EBF1: variants seen among roughly 807,000 people sequenced by gnomAD.
The protein encoded by EBF1 is transcription factor COE1.
EBF1 carries 10 observed loss-of-function variants against 68.4 expected under a neutral mutation model. The observed-to-expected ratio is 0.15, with a 90% CI of 0.09 to 0.25. The LOEUF is 0.25. Ranked by LOEUF, EBF1 falls within the 10% of genes least tolerant of loss-of-function variation. EBF1 has a pLI of 1.00. For synonymous variants in EBF1, 298 were observed against 299.8 expected (o/e 0.99, Z 0.06); for missense variants, 509 against 794.4 (o/e 0.64, Z 4.32).
chr5:159,046,655 A>C (rs1772462869), intron 6 of EBF1, among the ~76,000 whole-genome samples: 1 of 152,192 alleles, frequency 6.6e-6, no homozygotes, highest in African/African-American at 2.4e-5. Context: ...CAGATTAATG[A>C]TTCAGAGACT....
chr5:158,780,197 C>A (rs1165382243), intron 9 of EBF1, among the ~76,000 whole-genome samples: 2 of 152,196 alleles, frequency 1.3e-5, no homozygotes, highest in Non-Finnish European at 2.9e-5. Flanking sequence ...TAAAGCTAAT[C>A]TTCTTATTTT....
intron 6 of EBF1, among the ~76,000 whole-genome samples, chr5:158,844,579 CA>C (rs1791048726): frequency 1.3e-5 from 2 of 152,288 alleles, no homozygotes; most frequent in African/African-American, 4.8e-5. Context: ...CATCAGAAGA[CA>C]TGACAATATT....
chr5:158,868,133 A>T (rs1796264218), intron 6 of EBF1, among the ~76,000 whole-genome samples: 1 of 149,260 alleles, frequency 6.7e-6, no homozygotes, highest in African/African-American at 2.5e-5. Context: ...GCTCCTATTC[A>T]TTTTTTTTTT....
At chr5:158,725,556 A>G (rs1224880002) in intron 11 of EBF1, among the ~76,000 whole-genome samples, 1 of 152,262 alleles carries the variant, frequency 6.6e-6, no homozygotes, top group African/African-American at 2.4e-5. Context: ...CCATAACAAC[A>G]TGAAGACAGC....
At chr5:158,925,093 C>T (rs1157928033) in intron 6 of EBF1, among the ~76,000 whole-genome samples, 1 of 152,114 alleles carries the variant, frequency 6.6e-6, no homozygotes, top group East Asian at 1.9e-4. Flanking sequence ...GCTGTTCCCA[C>T]TGCCTGAAAT....
At chr5:158,731,179 A>G in intron 10 of EBF1, 22 bp from the exon 11 acceptor site, 1 of 1,608,366 alleles carries the variant, frequency 6.2e-7, no homozygotes, top group East Asian at 2.2e-5. Context: ...AAGTCACACA[A>G]TTAGTACATT....
intron 6 of EBF1, among the ~76,000 whole-genome samples, chr5:158,969,848 G>GAA (rs1491190212): frequency 2.9e-5 from 1 of 34,042 alleles, no homozygotes; most frequent in East Asian, 6.8e-4. Context: ...GAAAGAGAAA[G>GAA]AAAGAAAGAA....
intron 9 of EBF1, among the ~76,000 whole-genome samples, chr5:158,784,836 A>G (rs1326313098): frequency 1.3e-5 from 2 of 152,152 alleles, no homozygotes; most frequent in Non-Finnish European, 2.9e-5. Flanking sequence ...TTTAGATGTT[A>G]CCCATTGAAG....
At chr5:158,950,241 C>T (rs920750139) in intron 6 of EBF1, among the ~76,000 whole-genome samples, 1 of 152,190 alleles carries the variant, frequency 6.6e-6, no homozygotes, top group African/African-American at 2.4e-5. Flanking sequence ...TGGGCAGAAA[C>T]AAGGTTTTAT....
chr5:158,704,067 A>G (rs766287338), intron 15 of EBF1, among the ~76,000 whole-genome samples: 5 of 152,222 alleles, frequency 3.3e-5, no homozygotes, highest in Non-Finnish European at 5.9e-5. Context: ...GTCTGGGCTT[A>G]AAGCCCAGGC....
intron 10 of EBF1, among the ~76,000 whole-genome samples, chr5:158,734,510 A>G (rs1044032344): frequency 7.9e-5 from 12 of 152,172 alleles, no homozygotes; most frequent in African/African-American, 2.9e-4. Context: ...AGAGGGTAAC[A>G]GGGAGGAATC....
intron 6 of EBF1, among the ~76,000 whole-genome samples, chr5:158,984,014 G>GT (rs750639121): frequency 8.1e-4 from 122 of 151,206 alleles, no homozygotes; most frequent in Non-Finnish European, 7.4e-4. Flanking sequence ...TTAAAATGCT[G>GT]GTTACTGTTA....
intron 9 of EBF1, among the ~76,000 whole-genome samples, chr5:158,786,392 G>GTTATTTAT: frequency 6.6e-6 from 1 of 152,146 alleles, no homozygotes; most frequent in African/African-American, 2.4e-5. Context: ...GGTTTTGTGG[G>GTTATTTAT]TTATTTATTT....
rs1189777545 is a variant in EBF1 at position 158,696,434 on chromosome 5, G to A, written c.*2677C>T. On this transcript the variant is annotated 3_prime_UTR_variant, in exon 16 of 16. Transcript: ENST00000313708. Reference sequence around the variant, plus strand: ...TAACCACTGCACATGGCTGACAGATGGGTAGTGTCTGTTGTCAAGGTCTAA... The same window carrying A: ...TAACCACTGCACATGGCTGACAGATAGGTAGTGTCTGTTGTCAAGGTCTAA... The A allele has an allele frequency of 1.8e-5, 4 of 221,476 alleles. No homozygotes were observed. The highest frequency in any genetic ancestry group is 3.6e-5 in the Non-Finnish European group (4 of 110,760). 13.7% of individuals were successfully genotyped at this position (221,476 alleles called of 1,614,324 possible). A position where few individuals can be genotyped will look rare whatever the true frequency, so the allele number is the denominator to read the frequency against.
At chr5:158,741,675 T>TTCCC (rs1287671316) in intron 10 of EBF1, among the ~76,000 whole-genome samples, 14 of 152,174 alleles carry the variant, frequency 9.2e-5, no homozygotes, top group African/African-American at 3.4e-4. Flanking sequence ...GTATCACTGT[T>TTCCC]TCCCTCAAGT....
chr5:158,839,932 T>TG lies in EBF1; in HGVS notation c.636+96dup, dbSNP rs1009971802. On this transcript the variant is annotated intron_variant, in intron 7 of 15. Coordinates refer to ENST00000313708, the MANE Select transcript of EBF1 (RefSeq NM_024007.5). ...AAGGGCCTCAGCTGCTCTTCACCTCTGGGAAAAAAAGCTACGTATCTTCTG... is the reference window on the plus strand; with the variant it reads ...AAGGGCCTCAGCTGCTCTTCACCTCTGGGGAAAAAAAGCTACGTATCTTCTG... 1.6e-5 allele frequency: 19 copies of TG among 1,212,598 alleles called. No homozygotes were observed. In the Middle Eastern group the frequency reaches 9.5e-4, roughly 61 times the overall value. 75.1% of individuals were successfully genotyped at this position (1,212,598 alleles called of 1,614,324 possible). A position where few individuals can be genotyped will look rare whatever the true frequency, so the allele number is the denominator to read the frequency against.
chr5:158,916,448 G>T (rs902897129), intron 6 of EBF1, among the ~76,000 whole-genome samples: 4 of 152,152 alleles, frequency 2.6e-5, no homozygotes, highest in African/African-American at 9.7e-5. Flanking sequence ...TGTAAAAATA[G>T]CATGTACAAT....
intron 6 of EBF1, among the ~76,000 whole-genome samples, chr5:158,858,098 A>G (rs762895076): frequency 2.6e-5 from 4 of 152,194 alleles, no homozygotes; most frequent in Non-Finnish European, 5.9e-5. Context: ...TAGTTCACAC[A>G]ATGCCTTTGA....
intron 6 of EBF1, among the ~76,000 whole-genome samples, chr5:158,879,318 C>T (rs1230228524): frequency 6.6e-6 from 1 of 152,158 alleles, no homozygotes; most frequent in Non-Finnish European, 1.5e-5. Context: ...TTTGCAAGCA[C>T]ATACGCTCAA....
Sources: allele counts gnomAD v4.1 joint callset (sites outside exome capture counted in the v4.1 genomes callset), GRCh38; gene constraint gnomAD v4.1.1; transcripts MANE v1.5; gene names NCBI Gene and HGNC (gene_info 2026-07-23, HGNC 2026-07-21).